CPD: variants seen among roughly 807,000 people sequenced by gnomAD.
The protein encoded by CPD is metallocarboxypeptidase D.
In CPD, 69 loss-of-function variants were observed where a neutral mutation model predicts 138.3. The ratio of observed to expected loss-of-function variants is 0.50; its 90% confidence interval spans 0.41 to 0.61. The LOEUF is 0.61. Ranked by LOEUF, CPD falls within the 20% of genes least tolerant of loss-of-function variation. The probability of loss-of-function intolerance (pLI) is 0.00; values close to 1 mark genes in which losing one functional copy is unlikely to be tolerated. For missense variants in CPD, 1,432 were observed against 1,733.3 expected (o/e 0.83, Z 3.09); for synonymous variants, 651 against 642.1 (o/e 1.01, Z -0.21).
chr17:30,446,158 C>A, intron 12 of CPD, 138 bp downstream of exon 12: 5 of 637,506 alleles, frequency 7.8e-6, no homozygotes, highest in African/African-American at 1.9e-5. Context: ...TATTTTGCAA[C>A]ATGTATTTGC....
chr17:30,389,096 C>T (rs1042929812), intron 2 of CPD, among the ~76,000 whole-genome samples: 1 of 152,220 alleles, frequency 6.6e-6, no homozygotes, highest in Admixed American at 6.5e-5. Flanking sequence ...CATTACTCCC[C>T]CGCTGTGCTG....
intron 2 of CPD, among the ~76,000 whole-genome samples, chr17:30,410,167 T>G (rs1201806848): frequency 6.6e-6 from 1 of 152,222 alleles, no homozygotes; most frequent in Non-Finnish European, 1.5e-5. Context: ...TTGTGTAGTT[T>G]TGAGTGAGTT....
In CPD at chr17:30,467,334, T is replaced by C. The variant is rs1913670230; in HGVS notation, c.*2520T>C. 1 of 152,518 alleles carries C rather than the reference T, an allele frequency of 6.6e-6. No individual in the cohort carries two copies. The allele number at this position is 152,518 out of a possible 1,614,324, so 9.4% of individuals were successfully genotyped here. ...CAGCTCCTTAATAAAAGCAAAGTGA[T>C]TGAGTAGGTAATGTTCAAAGTGTCT... On this transcript the variant is annotated 3_prime_UTR_variant, in exon 21 of 21. Transcript: ENST00000225719.
chr17:30,451,968 A>G, intron 14 of CPD, 122 bp downstream of exon 14: 1 of 910,050 alleles, frequency 1.1e-6, no homozygotes, highest in Non-Finnish European at 1.6e-6. Context: ...TATGAATGTG[A>G]GGTATAAATG....
At chr17:30,417,245 T>G (rs1213392883) in intron 2 of CPD, among the ~76,000 whole-genome samples, 1 of 152,196 alleles carries the variant, frequency 6.6e-6, no homozygotes, top group African/African-American at 2.4e-5. Context: ...TTTAAAAGAA[T>G]GTTACGAGAA....
At position 30,466,726 on chromosome 17, in the gene CPD, T is replaced by TA. The variant is rs1272466538; in HGVS notation, c.*1914dup. On this transcript the variant is annotated 3_prime_UTR_variant, in exon 21 of 21. Transcript: ENST00000225719. ...GACATTACAGCAAGTGAAACAAAGTTAATGTGACAAGCTTTGCTTTGTTAT... is the reference window on the plus strand; with the variant it reads ...GACATTACAGCAAGTGAAACAAAGTTAAATGTGACAAGCTTTGCTTTGTTAT... 7.9e-5 allele frequency: 12 copies of TA among 152,652 alleles called. No individual in the cohort carries two copies. Among genetic ancestry groups the TA allele is most frequent in the Non-Finnish European group, 4.4e-5 (3 of 68,036 alleles). The allele number at this position is 152,652 out of a possible 1,614,324, so 9.5% of individuals were successfully genotyped here. A position where few individuals can be genotyped will look rare whatever the true frequency, so the allele number is the denominator to read the frequency against.
At position 30,379,603 on chromosome 17, in the gene CPD, G is replaced by A; in HGVS notation, c.623G>A (p.Arg208His). 4 of 1,473,522 alleles carry A rather than the reference G, an allele frequency of 2.7e-6. 1 individual carries two copies. The South Asian group carries it at 4.0e-5, about 15-fold the overall frequency. The allele number at this position is 1,473,522 out of a possible 1,614,324, so 91.3% of individuals were successfully genotyped here. ...GGCGGCCCGTCCGGGGCCAGCGGCC[G>A]CGACAATAGTCGCGGCCGCGACCTC... ...GDGGPSGASG[R>H]DNSRGRDLNR... Residue 208 changes from arginine to histidine, a missense_variant, in exon 1 of 21, where the codon CGC becomes CAC. Around this residue, in one of 6 missense-constraint regions of CPD, gnomAD observed 484 missense variants for 477.2 expected, o/e 1.01. Coordinates refer to ENST00000225719, the MANE Select transcript of CPD (RefSeq NM_001304.5). This position sits in a 1 kb window ranked among gnomAD's most constrained non-coding sequence, Gnocchi z 7.0.
In CPD at chr17:30,467,064, C is replaced by T. The variant is rs1385961586; in HGVS notation, c.*2250C>T. On this transcript the variant is annotated 3_prime_UTR_variant, in exon 21 of 21. Coordinates refer to ENST00000225719, the MANE Select transcript of CPD (RefSeq NM_001304.5). ...CTAAGACTATATTCTCAGCCCTGCCCTGTCTTTTATTTGCGGGTCTAATCT... is the reference window on the plus strand; with the variant it reads ...CTAAGACTATATTCTCAGCCCTGCCTTGTCTTTTATTTGCGGGTCTAATCT... The T allele has an allele frequency of 6.6e-6, 1 of 152,578 alleles. No individual in the cohort carries two copies. Among genetic ancestry groups the T allele is most frequent in the Non-Finnish European group, 1.5e-5 (1 of 68,008 alleles). The allele number at this position is 152,578 out of a possible 1,614,324, so 9.5% of individuals were successfully genotyped here.
intron 14 of CPD, among the ~76,000 whole-genome samples, chr17:30,453,259 C>G (rs1913211623): frequency 6.6e-6 from 1 of 152,172 alleles, no homozygotes. Flanking sequence ...AAATCAAAAG[C>G]AAGTTAGTTA....
chr17:30,447,055 T>A (rs371580630), intron 12 of CPD, among the ~76,000 whole-genome samples: 7 of 152,190 alleles, frequency 4.6e-5, no homozygotes, highest in Non-Finnish European at 7.4e-5. Flanking sequence ...GTTTAAGTTC[T>A]TTGTAGATTC....
Position 30,445,683 on chromosome 17 carries a change from T to A in CPD, c.2544-8T>A. 1 of 1,576,356 alleles carries A rather than the reference T, an allele frequency of 6.3e-7. No homozygotes were observed. The highest frequency in any genetic ancestry group is 8.6e-7 in the Non-Finnish European group (1 of 1,158,054). On this transcript the variant is annotated splice_region_variant and splice_polypyrimidine_tract_variant and intron_variant, in intron 11 of 20. Coordinates refer to ENST00000225719, the MANE Select transcript of CPD (RefSeq NM_001304.5). ...GAGTGTGGTTCTGATCTGTCTCCTTTATCATAGGTATAATCCAGTTACCAA... is the reference window on the plus strand; with the variant it reads ...GAGTGTGGTTCTGATCTGTCTCCTTAATCATAGGTATAATCCAGTTACCAA...
chr17:30,382,037 G>C (rs7220213), intron 1 of CPD, among the ~76,000 whole-genome samples: 94,280 of 152,006 alleles, frequency 0.62, 30,696 homozygotes, highest in East Asian at 0.83. Flanking sequence ...ATAGTTGACC[G>C]CTATGCTTCT....
chr17:30,395,554 A>C (rs932512439), intron 2 of CPD, among the ~76,000 whole-genome samples: 10 of 152,170 alleles, frequency 6.6e-5, no homozygotes, highest in Non-Finnish European at 1.0e-4. Context: ...CTTTAGGAGC[A>C]GTGCAGTTGT....
intron 17 of CPD, among the ~76,000 whole-genome samples, chr17:30,458,009 A>G (rs2143504038): frequency 6.6e-6 from 1 of 152,238 alleles, no homozygotes; most frequent in African/African-American, 2.4e-5. Context: ...CCTGGCCAAC[A>G]TGGTGAAACC....
chr17:30,455,551 T>G (rs1913270791), intron 15 of CPD, 81 bp downstream of exon 15: 6 of 1,483,108 alleles, frequency 4.0e-6, no homozygotes, highest in Non-Finnish European at 5.5e-6. Context: ...TTCCACATTT[T>G]TATAAATAGT....
Position 30,451,820 on chromosome 17 carries a change from G to A in CPD, c.3179G>A (p.Gly1060Asp). 1 of 1,613,950 alleles carries A rather than the reference G, an allele frequency of 6.2e-7. No individual in the cohort carries two copies. The highest frequency in any genetic ancestry group is 1.1e-5 in the South Asian group (1 of 91,054). Reference protein sequence around the residue: ...TSKIGQTNARGKDLDTDFTNN... With the variant: ...TSKIGQTNARDKDLDTDFTNN... ...AAAATAGGACAAACAAATGCTCGTG[G>A]CAAAGATTTGGATACAGACTTCACA... The change falls in exon 14 of 21, where the codon GGC becomes GAC. Residue 1060 changes from glycine to aspartate, a missense_variant. Physicochemically the swap from Gly to Asp is moderately conservative, Grantham distance 94 (BLOSUM62 -1). Around this residue, in one of 6 missense-constraint regions of CPD, gnomAD observed 366 missense variants for 518.8 expected, o/e 0.71. Transcript: ENST00000225719.
chr17:30,383,225 A>G (rs1028960858), intron 1 of CPD, among the ~76,000 whole-genome samples: 4 of 152,208 alleles, frequency 2.6e-5, no homozygotes, highest in Non-Finnish European at 5.9e-5. Flanking sequence ...AGGATGCTAG[A>G]TACCTCCAAA....
At chr17:30,416,929 C>T (rs528472505) in intron 2 of CPD, among the ~76,000 whole-genome samples, 2 of 152,026 alleles carry the variant, frequency 1.3e-5, no homozygotes, top group African/African-American at 4.8e-5. Flanking sequence ...GGTGAAACCC[C>T]GTCTCTACTA....
chr17:30,423,163 A>G, intron 5 of CPD, 140 bp downstream of exon 5: 1 of 675,966 alleles, frequency 1.5e-6, no homozygotes, highest in Middle Eastern at 3.6e-4. Flanking sequence ...AAAGAAAGCA[A>G]AAAAGAAAAT....
Sources: gnomAD v4.1 joint callset for allele counts (sites outside exome capture counted in the v4.1 genomes callset) on GRCh38, gnomAD v4.1.1 for gene constraint, gnomAD v4.1.1 regional missense constraint, Gnocchi (gnomAD v3.1) non-coding constraint, MANE v1.5 for transcripts, NCBI Gene and HGNC (gene_info 2026-07-23, HGNC 2026-07-21) for gene names.